The following SVIL variants were observed in gnomAD, a reference collection of about 807,000 sequenced individuals.
SVIL encodes the protein supervillin.
In SVIL, 101 loss-of-function variants were observed where a neutral mutation model predicts 240.4. The ratio of observed to expected loss-of-function variants is 0.42; its 90% CI spans 0.36 to 0.50. SVIL has a LOEUF of 0.50. Among genes scored for constraint, SVIL ranks in the 20% least tolerant of loss-of-function variants. SVIL has a pLI of 0.01. For synonymous variants in SVIL, 999 were observed against 1,100.0 expected, an observed-to-expected ratio of 0.91 and a Z score of 1.82; for missense variants, 2,512 against 2,818.7, an observed-to-expected ratio of 0.89 and a Z score of 2.46.
At chr10:29,651,204 G>C (rs1958823443) in intron 3 of SVIL, among the ~76,000 whole-genome samples, 1 of 152,120 alleles carries the variant, frequency 6.6e-6, no homozygotes, top group South Asian at 2.1e-4. Context: ...CAGAAGGGCT[G>C]GCTCCCAGGA....
At chr10:29,693,437 G>T (rs78311782) in intron 1 of SVIL, among the ~76,000 whole-genome samples, 1 of 152,302 alleles carries the variant, frequency 6.6e-6, no homozygotes, top group East Asian at 1.9e-4. Flanking sequence ...CAGCTATGAA[G>T]ACATCACCAA....
chr10:29,542,647 C>T (rs117816932), intron 6 of SVIL, among the ~76,000 whole-genome samples: 7,642 of 152,210 alleles, frequency 0.05, 274 homozygotes, highest in Admixed American at 0.12. Flanking sequence ...TATCCATCCC[C>T]TTAAGTATTT....
chr10:29,488,496 C>T (rs1422805713), intron 23 of SVIL, 105 bp downstream of exon 23: 32 of 1,294,660 alleles, frequency 2.5e-5, no homozygotes, highest in Admixed American at 1.1e-4. Context: ...AAAAAGTGTG[C>T]GTTCCTTTCC....
intron 1 of SVIL, among the ~76,000 whole-genome samples, chr10:29,600,320 C>G (rs2488683): frequency 0.43 from 64,762 of 152,058 alleles, 14,612 homozygotes; most frequent in Non-Finnish European, 0.5. Context: ...CTTTAGAAGT[C>G]CTCTGGTTTA....
intron 3 of SVIL, among the ~76,000 whole-genome samples, chr10:29,559,883 A>G (rs1180974426): frequency 6.6e-6 from 1 of 152,254 alleles, no homozygotes; most frequent in African/African-American, 2.4e-5. Flanking sequence ...AGGCTTTGCA[A>G]TAAGACTATA....
chr10:29,699,456 CCA>C (rs1962337322), intron 1 of SVIL, among the ~76,000 whole-genome samples: 1 of 152,126 alleles, frequency 6.6e-6, no homozygotes, highest in Non-Finnish European at 1.5e-5. Flanking sequence ...GCGTGCACCA[CCA>C]CACCAGGCTA....
chr10:29,504,178 C>A (rs1395382097), intron 17 of SVIL, among the ~76,000 whole-genome samples: 1 of 152,092 alleles, frequency 6.6e-6, no homozygotes, highest in Non-Finnish European at 1.5e-5. Context: ...TTCCACCATT[C>A]CCCAAAATTA....
At position 29,523,888 on chromosome 10, in the gene SVIL, T is replaced by C. The variant is rs768935037; in HGVS notation, c.2726A>G (p.Tyr909Cys). The change falls in exon 15 of 38, where the codon TAT becomes TGT. Residue 909 changes from tyrosine (Y) to cysteine (C), a missense_variant. Transcript: ENST00000355867. ...PLDHNASATD[Y>C]KFSSSIENSD... The stretch of plus-strand genomic sequence containing the variant: ...ATTTTCTATTGAAGAAGAAAACTTA[T>C]AGTCAGTGGCACTTGCATTGTGGTC... 12 of 1,614,198 alleles carry C rather than the reference T, an allele frequency of 7.4e-6. No individual in the cohort carries two copies. Among genetic ancestry groups the C allele is most frequent in the Non-Finnish European group, 9.3e-6 (11 of 1,180,034 alleles).
chr10:29,725,536 GA>G (rs1964238878), intron 1 of SVIL, among the ~76,000 whole-genome samples: 1 of 152,092 alleles, frequency 6.6e-6, no homozygotes, highest in Non-Finnish European at 1.5e-5. Flanking sequence ...TCCCCTCCAC[GA>G]GGGGTTCATT....
intron 1 of SVIL, among the ~76,000 whole-genome samples, chr10:29,726,830 T>C (rs1056908227): frequency 6.6e-6 from 1 of 151,990 alleles, no homozygotes; most frequent in Non-Finnish European, 1.5e-5. Flanking sequence ...CAGTGGACAG[T>C]CAACAGATGA....
chr10:29,593,299 T>C (rs117962857), intron 1 of SVIL, among the ~76,000 whole-genome samples: 2,540 of 152,290 alleles, frequency 0.017, 37 homozygotes, highest in Non-Finnish European at 0.025. Context: ...TAGCGGACAG[T>C]TGGATGTTAA....
intron 27 of SVIL, among the ~76,000 whole-genome samples, chr10:29,482,434 T>G (rs1402728642): frequency 6.6e-6 from 1 of 152,202 alleles, no homozygotes; most frequent in Non-Finnish European, 1.5e-5. Context: ...CCCAGTCACC[T>G]GCAGATGCTT....
At chr10:29,541,931 C>T (rs757710833) in intron 6 of SVIL, among the ~76,000 whole-genome samples, 9 of 152,140 alleles carry the variant, frequency 5.9e-5, no homozygotes, top group Non-Finnish European at 8.8e-5. Context: ...AACCCCAATC[C>T]CAGACAAAGC....
intron 1 of SVIL, among the ~76,000 whole-genome samples, chr10:29,691,973 T>G (rs895622677): frequency 6.6e-6 from 1 of 152,114 alleles, no homozygotes; most frequent in Admixed American, 6.6e-5. Context: ...CATCTGGAAG[T>G]TGGATCAGCC....
In SVIL at chr10:29,524,304, A is replaced by G. The variant is rs186853948; in HGVS notation, c.2586+168T>C. On this transcript the variant is annotated intron_variant, in intron 14 of 37. Coordinates refer to ENST00000355867, the MANE Select transcript of SVIL (RefSeq NM_021738.3). ...TATGAAAACAAAAAAAGAGCAACAT[A>G]CTTGGTAGAATTCTCATTTTTAGGA... Among the ~76,000 whole-genome samples, 592 of 152,312 alleles carry G rather than the reference A, an allele frequency of 3.9e-3. 2 individuals are homozygous for G. The highest frequency in any genetic ancestry group is 0.014 in the African/African-American group (569 of 41,568).
intron 1 of SVIL, among the ~76,000 whole-genome samples, chr10:29,590,360 T>C (rs1267443782): frequency 6.6e-6 from 1 of 152,110 alleles, no homozygotes; most frequent in East Asian, 1.9e-4. Context: ...AGCCAGCCCC[T>C]GACACTCAGC....
intron 16 of SVIL, among the ~76,000 whole-genome samples, chr10:29,516,893 A>G (rs1474076380): frequency 6.6e-6 from 1 of 152,204 alleles, no homozygotes; most frequent in African/African-American, 2.4e-5. Flanking sequence ...GCTGGGTCAA[A>G]CAGGAGACAT....
chr10:29,635,710 C>A (rs1216122542), upstream of SVIL, among the ~76,000 whole-genome samples: 1 of 152,194 alleles, frequency 6.6e-6, no homozygotes, highest in African/African-American at 2.4e-5. Flanking sequence ...TACACTCAAA[C>A]AAATATCACA....
At chr10:29,637,799 C>A (rs771316669), upstream of SVIL, among the ~76,000 whole-genome samples, 22 of 152,194 alleles carry the variant, frequency 1.4e-4, no homozygotes, top group Admixed American at 1.4e-3. Flanking sequence ...ATTATTAGTA[C>A]GTTCCACGAC....
Sources: gnomAD v4.1 joint callset for allele counts (sites outside exome capture counted in the v4.1 genomes callset) on GRCh38, gnomAD v4.1.1 for gene constraint, MANE v1.5 for transcripts, NCBI Gene and HGNC (gene_info 2026-07-23, HGNC 2026-07-21) for gene names.